FYB1: variants seen among roughly 807,000 people sequenced by gnomAD.
FYB1 encodes FYN-binding protein 1.
Under a neutral mutation model 94.1 loss-of-function variants are expected in FYB1, and 41 were observed. The observed-to-expected ratio is 0.44, with a 90% CI of 0.34 to 0.57. FYB1 has a LOEUF of 0.57. Among genes scored for constraint, FYB1 ranks in the 20% least tolerant of loss-of-function variants. The probability of loss-of-function intolerance (pLI) is 0.02; values close to 1 mark genes in which losing one functional copy is unlikely to be tolerated. For missense variants in FYB1, 1,050 were observed against 976.8 expected (o/e 1.07, Z -1.00); for synonymous variants, 367 against 353.2 (o/e 1.04, Z -0.44).
chr5:39,244,877 A>G (rs1751397760), intron 1 of FYB1, among the ~76,000 whole-genome samples: 1 of 152,072 alleles, frequency 6.6e-6, no homozygotes, highest in Non-Finnish European at 1.5e-5. Context: ...GGGAGGGTGT[A>G]TGTGTCGAGG....
At chr5:39,159,167 TAAG>T (rs1456439417) in intron 2 of FYB1, among the ~76,000 whole-genome samples, 2 of 152,238 alleles carry the variant, frequency 1.3e-5, no homozygotes. Context: ...TACTTTAACT[TAAG>T]AAATTTGGAA....
intron 1 of FYB1, among the ~76,000 whole-genome samples, chr5:39,252,473 CACAA>C (rs1202044517): frequency 3.3e-5 from 5 of 152,136 alleles, no homozygotes; most frequent in African/African-American, 7.2e-5. Context: ...CACACAAACA[CACAA>C]ACAATCTGTT....
In FYB1 at chr5:39,166,120, C is replaced by T. The variant is rs1007580831; in HGVS notation, c.1136-12516G>A. 6.6e-5 allele frequency among the ~76,000 whole-genome samples: 10 copies of T among 152,200 alleles called. No homozygotes were observed. In the South Asian group the frequency reaches 1.9e-3, roughly 28 times the overall value. On this transcript the variant is annotated intron_variant, in intron 2 of 18. Transcript: ENST00000512982. Reference sequence around the variant, plus strand: ...GGAATTACTGTAAGATTCAGCAATCCTACTACTGGATATTCAACCAAAAGA... The same window carrying T: ...GGAATTACTGTAAGATTCAGCAATCTTACTACTGGATATTCAACCAAAAGA...
intron 2 of FYB1, among the ~76,000 whole-genome samples, chr5:39,173,152 T>C (rs965224862): frequency 6.6e-6 from 1 of 152,188 alleles, no homozygotes; most frequent in African/African-American, 2.4e-5. Context: ...TTCTGATTGG[T>C]GTGAGATCGT....
At chr5:39,226,996 G>A (rs780433208) in intron 1 of FYB1, among the ~76,000 whole-genome samples, 1 of 152,146 alleles carries the variant, frequency 6.6e-6, no homozygotes, top group South Asian at 2.1e-4. Context: ...TTTGTCTGTG[G>A]GACTTTTGAT....
chr5:39,117,082 A>G (rs1739643472), intron 16 of FYB1, among the ~76,000 whole-genome samples: 1 of 152,120 alleles, frequency 6.6e-6, no homozygotes, highest in Non-Finnish European at 1.5e-5. Flanking sequence ...TCTCTCTTGT[A>G]AAAAATGTGA....
chr5:39,198,523 G>A (rs1748026426), intron 2 of FYB1, among the ~76,000 whole-genome samples: 1 of 152,132 alleles, frequency 6.6e-6, no homozygotes, highest in Admixed American at 6.5e-5. Context: ...CACAGATGGT[G>A]CCCTATTTAT....
chr5:39,176,388 G>A (rs1314899032), intron 2 of FYB1, among the ~76,000 whole-genome samples: 1 of 151,868 alleles, frequency 6.6e-6, no homozygotes, highest in Non-Finnish European at 1.5e-5. Context: ...GACCCCAGGT[G>A]ATTCACTCGC....
intron 1 of FYB1, among the ~76,000 whole-genome samples, chr5:39,272,846 C>T (rs1274637271): frequency 6.6e-6 from 1 of 152,148 alleles, no homozygotes; most frequent in Admixed American, 6.5e-5. Flanking sequence ...TTCAATTCAT[C>T]CATCTAAATT....
intron 16 of FYB1, among the ~76,000 whole-genome samples, chr5:39,116,131 T>G (rs979035165): frequency 2.0e-5 from 3 of 152,214 alleles, no homozygotes; most frequent in Non-Finnish European, 4.4e-5. Flanking sequence ...AAGTGGTAAC[T>G]TTTTTGATCA....
chr5:39,205,371 G>GTAGCC (rs1239670937), intron 1 of FYB1, among the ~76,000 whole-genome samples: 1 of 152,178 alleles, frequency 6.6e-6, no homozygotes, highest in African/African-American at 2.4e-5. Context: ...ATAATAATGT[G>GTAGCC]TAGCCATAGG....
At chr5:39,230,573 T>C (rs763151853) in intron 1 of FYB1, among the ~76,000 whole-genome samples, 3 of 139,396 alleles carry the variant, frequency 2.2e-5, no homozygotes, top group Non-Finnish European at 4.4e-5. Flanking sequence ...TTTCTGTATA[T>C]GTGTGTGTGT....
chr5:39,147,153 C>G (rs1742729083), intron 3 of FYB1, among the ~76,000 whole-genome samples: 2 of 152,102 alleles, frequency 1.3e-5, no homozygotes, highest in Non-Finnish European at 2.9e-5. Context: ...TGTTTTTATG[C>G]TATAGCATGT....
intron 2 of FYB1, among the ~76,000 whole-genome samples, chr5:39,191,037 G>A (rs1466266339): frequency 6.6e-6 from 1 of 152,104 alleles, no homozygotes; most frequent in Non-Finnish European, 1.5e-5. Context: ...ACAAATACAG[G>A]TTTCTTTCTC....
chr5:39,220,896 C>A (rs901904916), upstream of FYB1, among the ~76,000 whole-genome samples: 3 of 152,126 alleles, frequency 2.0e-5, no homozygotes, highest in African/African-American at 7.2e-5. Context: ...GGAGAAGAAG[C>A]AAAAGAAGAC....
chr5:39,126,732 A>G (rs1031263620), intron 11 of FYB1, among the ~76,000 whole-genome samples: 5 of 149,274 alleles, frequency 3.3e-5, no homozygotes, highest in African/African-American at 7.5e-5. Flanking sequence ...TTGGACATCA[A>G]TTTTGCTTTA....
chr5:39,182,286 CA>C, intron 2 of FYB1, among the ~76,000 whole-genome samples: 1 of 99,250 alleles, frequency 1.0e-5, no homozygotes, highest in African/African-American at 4.5e-5. Flanking sequence ...TGTGTGCATG[CA>C]TGTGTGTGTG....
chr5:39,202,228 A>G lies in FYB1; in HGVS notation c.733T>C (p.Ser245Pro). The G allele has an allele frequency of 6.2e-7, 1 of 1,613,852 alleles. No homozygotes were observed. Among genetic ancestry groups the G allele is most frequent in the East Asian group, 2.2e-5 (1 of 44,864 alleles). ...SGPLKPARED[S>P]ENKDHAGEIS... ...TCCCCTGCATGGTCTTTATTTTCTGAGTCTTCCCTTGCTGGTTTTAAAGGG... is the reference window on the plus strand; with the variant it reads ...TCCCCTGCATGGTCTTTATTTTCTGGGTCTTCCCTTGCTGGTTTTAAAGGG... The change falls in exon 2 of 19, where the codon TCA becomes CCA. Residue 245 changes from serine to proline, a missense_variant. Transcript: ENST00000512982.
intron 16 of FYB1, among the ~76,000 whole-genome samples, chr5:39,117,379 A>AT (rs1210731058): frequency 6.6e-6 from 1 of 152,152 alleles, no homozygotes; most frequent in Non-Finnish European, 1.5e-5. Flanking sequence ...ACTTTTAAAC[A>AT]TTTTTTGATG....
Sources: allele counts gnomAD v4.1 joint callset (sites outside exome capture counted in the v4.1 genomes callset), GRCh38; gene constraint gnomAD v4.1.1; transcripts MANE v1.5; gene names NCBI Gene and HGNC (gene_info 2026-07-23, HGNC 2026-07-21).